LNP1: variants seen among roughly 807,000 people sequenced by gnomAD.
LNP1 encodes leukemia NUP98 fusion partner 1.
Under a neutral mutation model 14.5 loss-of-function variants are expected in LNP1, and 12 were observed. That is an observed-to-expected ratio of 0.83 (90% CI 0.53 to 1.34). The LOEUF is 1.34. Among genes scored for constraint, LNP1 ranks in the 40% most tolerant of loss-of-function variants. The pLI, the probability that LNP1 is intolerant of heterozygous loss-of-function variation, is 0.00. For synonymous variants in LNP1, 75 were observed against 71.4 expected (o/e 1.05, Z -0.26); for missense variants, 198 against 210.9 (o/e 0.94, Z 0.38).
intron 3 of LNP1, among the ~76,000 whole-genome samples, chr3:100,452,378 CT>C (rs1473278036): frequency 1.3e-5 from 2 of 150,036 alleles, no homozygotes; most frequent in Non-Finnish European, 3.0e-5. Context: ...AAATTTTAAA[CT>C]TTTTTTTTCT....
At chr3:100,412,529 C>CT (rs1273317686) in intron 1 of LNP1, among the ~76,000 whole-genome samples, 1 of 152,116 alleles carries the variant, frequency 6.6e-6, no homozygotes, top group African/African-American at 2.4e-5. Flanking sequence ...TTTTCTGGGA[C>CT]TTTCTCAAAA....
chr3:100,455,794 G>A lies in LNP1; in HGVS notation c.405G>A (p.Lys135=). ...CCTTTCAGGGACCTGAAAGCAGAAAGGAGAGAAATGAAAGAGAATGCCTGA... is the reference window on the plus strand; with the variant it reads ...CCTTTCAGGGACCTGAAAGCAGAAAAGAGAGAAATGAAAGAGAATGCCTGA... ...RSASLGPESR[K]ERNERECLRM... The change falls in exon 4 of 4, where the codon AAG becomes AAA. Residue 135 remains lysine, a synonymous_variant. Transcript: ENST00000383693. 1 of 1,613,968 alleles carries A rather than the reference G, an allele frequency of 6.2e-7. No individual in the cohort carries two copies.
chr3:100,411,972 G>T (rs1459320252), intron 1 of LNP1, among the ~76,000 whole-genome samples: 2 of 152,084 alleles, frequency 1.3e-5, no homozygotes, highest in South Asian at 2.1e-4. Flanking sequence ...TCTGCTAAAG[G>T]TATCAAAGAA....
intron 2 of LNP1, among the ~76,000 whole-genome samples, chr3:100,443,494 T>A (rs1447532806): frequency 1.3e-5 from 2 of 152,176 alleles, no homozygotes; most frequent in African/African-American, 4.8e-5. Context: ...ATAGAAGGAA[T>A]CTCAGATAAG....
Position 100,423,120 on chromosome 3 carries a change from T to C in LNP1, c.-33-6577T>C, listed in dbSNP as rs77565443. ...AGTTTCAAGTATTTAAGCACTGCTT[T>C]CTGGGAAGTAAAAACTGACTCAAAA... On this transcript the variant is annotated intron_variant, in intron 1 of 3. Coordinates refer to ENST00000383693, the MANE Select transcript of LNP1 (RefSeq NM_001085451.2). 4.0e-4 allele frequency among the ~76,000 whole-genome samples: 61 copies of C among 152,202 alleles called. No homozygotes were observed. In the East Asian group the frequency reaches 0.011, roughly 27 times the overall value.
intron 1 of LNP1, among the ~76,000 whole-genome samples, chr3:100,412,555 C>T (rs1391189405): frequency 6.6e-6 from 1 of 152,158 alleles, no homozygotes; most frequent in Admixed American, 6.5e-5. Flanking sequence ...TACTTTTCTG[C>T]CTTGTTTTAT....
At chr3:100,446,520 C>T (rs762906386) in intron 2 of LNP1, among the ~76,000 whole-genome samples, 1 of 152,162 alleles carries the variant, frequency 6.6e-6, no homozygotes, top group Non-Finnish European at 1.5e-5. Context: ...TAGGCAATAC[C>T]ATTCAGGACA....
At chr3:100,436,082 G>A (rs1293770367) in intron 2 of LNP1, among the ~76,000 whole-genome samples, 1 of 152,174 alleles carries the variant, frequency 6.6e-6, no homozygotes, top group Non-Finnish European at 1.5e-5. Context: ...TACTGCTTAT[G>A]TCAGGGCCGG....
intron 1 of LNP1, among the ~76,000 whole-genome samples, chr3:100,405,299 G>GT (rs569985191): frequency 2.0e-5 from 3 of 152,058 alleles, no homozygotes; most frequent in Admixed American, 1.3e-4. Context: ...CTTTCTTATA[G>GT]TTTTTTCACC....
At chr3:100,418,602 C>T (rs1454128811) in intron 1 of LNP1, among the ~76,000 whole-genome samples, 1 of 152,064 alleles carries the variant, frequency 6.6e-6, no homozygotes, top group Non-Finnish European at 1.5e-5. Context: ...TTCCACAGAG[C>T]TTCCTCTTCT....
intron 3 of LNP1, among the ~76,000 whole-genome samples, chr3:100,454,723 CT>C (rs1324141555): frequency 1.3e-5 from 2 of 152,182 alleles, no homozygotes; most frequent in African/African-American, 2.4e-5. Flanking sequence ...TCTATTTTCT[CT>C]TTCTTATACC....
chr3:100,439,223 AT>A (rs913396208), intron 2 of LNP1, among the ~76,000 whole-genome samples: 5 of 151,714 alleles, frequency 3.3e-5, no homozygotes, highest in Non-Finnish European at 5.9e-5. Flanking sequence ...ATTTATTATT[AT>A]TTTTTTCCTG....
chr3:100,412,002 A>G lies in LNP1; in HGVS notation c.-34+9563A>G, dbSNP rs73860610. ...AAAGAAGGAAAAAGTGACATTCAAG[A>G]TTGTATTAGCCATTTTTGTGTTGCT... On this transcript the variant is annotated intron_variant, in intron 1 of 3. Transcript: ENST00000383693. 8.0e-3 allele frequency among the ~76,000 whole-genome samples: 1,219 copies of G among 152,290 alleles called. 20 individuals are homozygous for G. Among genetic ancestry groups the G allele is most frequent in the African/African-American group, 0.028 (1,160 of 41,564 alleles).
chr3:100,444,080 C>G (rs577119193), intron 2 of LNP1, among the ~76,000 whole-genome samples: 1 of 152,306 alleles, frequency 6.6e-6, no homozygotes, highest in Non-Finnish European at 1.5e-5. Flanking sequence ...GCTTGATAGT[C>G]ATAAACATTT....
chr3:100,416,594 C>CTTTT (rs368866932), intron 1 of LNP1, among the ~76,000 whole-genome samples: 4 of 80,278 alleles, frequency 5.0e-5, no homozygotes, highest in Non-Finnish European at 9.6e-5. Flanking sequence ...TTGAGTATAT[C>CTTTT]TTTTTTGTGT....
At position 100,426,123 on chromosome 3, in the gene LNP1, T is replaced by A. The variant is rs576584606; in HGVS notation, c.-33-3574T>A. 8.5e-5 allele frequency among the ~76,000 whole-genome samples: 13 copies of A among 152,326 alleles called. No individual in the cohort carries two copies. In the East Asian group the frequency reaches 2.3e-3, roughly 27 times the overall value. ...CTTTTGACAGGGTTCTTGGGATTCA[T>A]CATTTCTGGTGCAACTAGTTCGGTT... is the stretch of plus-strand genomic sequence containing the variant. On this transcript the variant is annotated intron_variant, in intron 1 of 3. Coordinates refer to ENST00000383693, the MANE Select transcript of LNP1 (RefSeq NM_001085451.2).
chr3:100,414,674 C>G (rs1707064187), intron 1 of LNP1, among the ~76,000 whole-genome samples: 1 of 152,112 alleles, frequency 6.6e-6, no homozygotes, highest in Non-Finnish European at 1.5e-5. Flanking sequence ...TGTGAAGAAG[C>G]AAACTGCTTA....
chr3:100,432,547 A>G (rs1020684780), intron 2 of LNP1, among the ~76,000 whole-genome samples: 2 of 152,176 alleles, frequency 1.3e-5, no homozygotes, highest in Admixed American at 1.3e-4. Flanking sequence ...GCCTTTTTAT[A>G]GAATGCTACT....
chr3:100,451,648 A>G (rs781653373), intron 2 of LNP1, 71 bp from the exon 3 acceptor site: 1 of 649,640 alleles, frequency 1.5e-6, no homozygotes, highest in Admixed American at 2.9e-5. Flanking sequence ...ACTAGTTTAT[A>G]AACATTCTGC....
Sources: gnomAD v4.1 joint callset for allele counts (sites outside exome capture counted in the v4.1 genomes callset) on GRCh38, gnomAD v4.1.1 for gene constraint, MANE v1.5 for transcripts, NCBI Gene and HGNC (gene_info 2026-07-23, HGNC 2026-07-21) for gene names.